The following MIER3 variants were observed in gnomAD, a reference collection of about 807,000 sequenced individuals.
The protein encoded by MIER3 is mesoderm induction early response protein 3.
In MIER3, 9 loss-of-function variants were observed where a neutral mutation model predicts 63.2. The observed-to-expected ratio is 0.14, with a 90% CI of 0.09 to 0.25. The LOEUF (loss-of-function observed/expected upper bound fraction) is 0.25. MIER3 is among the 10% of genes least tolerant of loss of function. The pLI, the probability that MIER3 is intolerant of heterozygous loss-of-function variation, is 1.00. For missense variants in MIER3, 512 were observed against 666.2 expected (o/e 0.77, Z 2.55); for synonymous variants, 205 against 224.9 (o/e 0.91, Z 0.79).
chr5:56,937,885 T>A (rs1428287731), intron 4 of MIER3, among the ~76,000 whole-genome samples, 187 bp from the exon 5 acceptor site: 1 of 150,858 alleles, frequency 6.6e-6, no homozygotes, highest in African/African-American at 2.4e-5. Flanking sequence ...TTCAATAATA[T>A]ACTATTAAAT....
chr5:56,923,148 C>T lies in MIER3; in HGVS notation c.1633G>A (p.Ala545Thr), dbSNP rs559901169. 4.0e-5 allele frequency: 64 copies of T among 1,613,738 alleles called. No homozygotes were observed. The highest frequency in any genetic ancestry group is 4.5e-5 in the Non-Finnish European group (53 of 1,179,908). Residue 545 changes from alanine to threonine, a missense_variant, in exon 13 of 13, where the codon GCG (alanine) becomes ACG (threonine). Transcript: ENST00000381199. Reference protein sequence around the residue: ...FISAHALHQHAALHSE With the variant: ...FISAHALHQHTALHSE Reference sequence around the variant, plus strand: ...TCAGGTCACTCAGAGTGTAGGGCCGCGTGCTGATGCAGAGCATGGGCACTG... The same window carrying T: ...TCAGGTCACTCAGAGTGTAGGGCCGTGTGCTGATGCAGAGCATGGGCACTG...
chr5:56,934,157 A>G (rs1750365064), intron 7 of MIER3, among the ~76,000 whole-genome samples: 1 of 152,324 alleles, frequency 6.6e-6, no homozygotes, highest in South Asian at 2.1e-4. Context: ...TCAAGTGCAT[A>G]ATAAATACTG....
At chr5:56,936,417 A>G (rs943283757) in intron 5 of MIER3, among the ~76,000 whole-genome samples, 5 of 152,170 alleles carry the variant, frequency 3.3e-5, no homozygotes, top group Non-Finnish European at 7.4e-5. Context: ...ATGCATGGAT[A>G]TTTGAACTTA....
At chr5:56,941,300 G>A (rs766441200) in intron 3 of MIER3, 6 of 239,866 alleles carry the variant, frequency 2.5e-5, no homozygotes, top group Non-Finnish European at 4.0e-5. Context: ...TGCACAGAGG[G>A]TGAAGACTGA....
chr5:56,939,136 G>A, intron 3 of MIER3, 119 bp from the exon 4 acceptor site: 2 of 1,098,208 alleles, frequency 1.8e-6, no homozygotes, highest in Non-Finnish European at 2.4e-6. Context: ...CAAATCAAAG[G>A]CAAGTTTCAG....
At chr5:56,942,217 A>C (rs1750670388) in intron 3 of MIER3, among the ~76,000 whole-genome samples, 1 of 152,196 alleles carries the variant, frequency 6.6e-6, no homozygotes, top group South Asian at 2.1e-4. Flanking sequence ...ACCCACGGAG[A>C]GGGTAGAGAG....
rs1749777297 is a variant in MIER3 at position 56,923,408 on chromosome 5, G to C, written c.1373C>G (p.Thr458Ser). The part of the protein sequence containing the change: ...GESDCFNLFE[T>S]GFYHSELNPM... ...GTTTAGCTCCGAGTGATAAAATCCA[G>C]TCTCAAATAAATTAAAACAATCACT... Residue 458 changes from threonine (T) to serine (S), a missense_variant, in exon 13 of 13, where the codon ACT (threonine) becomes AGT (serine). By Grantham distance (58) the Thr-to-Ser change is moderately conservative. This residue lies in a region of MIER3 where 218 missense variants were observed against 251.2 expected (regional missense o/e 0.87). Coordinates refer to ENST00000381199, the MANE Select transcript of MIER3 (RefSeq NM_001297599.2). 1 of 1,614,072 alleles carries C rather than the reference G, an allele frequency of 6.2e-7. No homozygotes were observed. Among genetic ancestry groups the C allele is most frequent in the South Asian group, 1.1e-5 (1 of 91,096 alleles).
chr5:56,938,164 G>C (rs1474719800), intron 4 of MIER3: 1 of 392,492 alleles, frequency 2.5e-6, no homozygotes, highest in African/African-American at 2.1e-5. Context: ...TAATTTTTAT[G>C]TAAGTATACA....
Position 56,930,669 on chromosome 5 carries a change from G to A in MIER3, c.824C>T (p.Ser275Phe). 6.2e-7 allele frequency: 1 copy of A among 1,613,724 alleles called. No individual in the cohort carries two copies. Among genetic ancestry groups the A allele is most frequent in the Non-Finnish European group, 8.5e-7 (1 of 1,179,672 alleles). ...IERYCCNGKA[S>F]QEGMTAWTEE... Reference sequence around the variant, plus strand: ...TAAACCCAAGTGTTTCTTACCTTGAGAGGCCTTTCCATTGCAGCAGTATCT... The same window carrying A: ...TAAACCCAAGTGTTTCTTACCTTGAAAGGCCTTTCCATTGCAGCAGTATCT... The change falls in exon 9 of 13, where the codon TCT becomes TTT. Residue 275 changes from serine (S) to phenylalanine (F), a missense_variant. Ser to Phe is a radical substitution (Grantham distance 155). Coordinates refer to ENST00000381199, the MANE Select transcript of MIER3 (RefSeq NM_001297599.2).
intron 1 of MIER3, among the ~76,000 whole-genome samples, 184 bp downstream of exon 1, chr5:56,951,898 ACCGCTCCCGCGC>A (rs1406097371): frequency 6.7e-6 from 1 of 149,570 alleles, no homozygotes; most frequent in Admixed American, 6.6e-5. Context: ...CCGGAGGGAG[ACCGCTCCCGCGC>A]CCGCTCCCGC....
At chr5:56,942,836 C>T (rs1371598935) in intron 3 of MIER3, among the ~76,000 whole-genome samples, 1 of 152,174 alleles carries the variant, frequency 6.6e-6, no homozygotes, top group African/African-American at 2.4e-5. Flanking sequence ...ATCTTAGTAT[C>T]TGGCAATCAG....
At chr5:56,945,736 T>C (rs1414930216) in intron 3 of MIER3, among the ~76,000 whole-genome samples, 2 of 152,196 alleles carry the variant, frequency 1.3e-5, no homozygotes, top group Non-Finnish European at 2.9e-5. Context: ...TTATTTACTA[T>C]GAACATAAAA....
At chr5:56,938,100 G>A (rs914365702) in intron 4 of MIER3, among the ~76,000 whole-genome samples, 15 of 152,096 alleles carry the variant, frequency 9.9e-5, no homozygotes, top group African/African-American at 3.4e-4. Context: ...TTAAAAGTCC[G>A]ACTAATGAAC....
intron 2 of MIER3, 149 bp from the exon 3 acceptor site, chr5:56,947,220 T>C (rs1750855934): frequency 5.4e-6 from 4 of 740,324 alleles, no homozygotes; most frequent in Non-Finnish European, 8.1e-6. Flanking sequence ...GGTTATAAAT[T>C]AAGACCCCAT....
intron 7 of MIER3, among the ~76,000 whole-genome samples, chr5:56,934,829 T>C (rs181970006): frequency 1.1e-3 from 174 of 152,236 alleles, no homozygotes; most frequent in Middle Eastern, 0.01. Context: ...CATGGAAATA[T>C]TCCCAAGTTC....
In MIER3 at chr5:56,944,296, C is replaced by T. The variant is rs527276067; in HGVS notation, c.180+2630G>A. ...ACCATCCTGGCTAACACGGTGAAAC[C>T]CCGTCTCTACTAAAAAAAAAAAAAT... On this transcript the variant is annotated intron_variant, in intron 3 of 12. Coordinates refer to ENST00000381199, the MANE Select transcript of MIER3 (RefSeq NM_001297599.2). Among the ~76,000 whole-genome samples the T allele has an allele frequency of 1.8e-4, 27 of 151,924 alleles. 1 individual carries two copies. The highest frequency in any genetic ancestry group is 8.3e-4 in the South Asian group (4 of 4,818).
At chr5:56,940,412 A>C (rs1750603647) in intron 3 of MIER3, among the ~76,000 whole-genome samples, 1 of 152,242 alleles carries the variant, frequency 6.6e-6, no homozygotes, top group African/African-American at 2.4e-5. Context: ...ACCTGAGAAG[A>C]GCCAGTGATG....
At chr5:56,924,916 C>T (rs1382190352) in intron 10 of MIER3, among the ~76,000 whole-genome samples, 2 of 152,156 alleles carry the variant, frequency 1.3e-5, no homozygotes, top group South Asian at 2.1e-4. Context: ...CCAAGAAATA[C>T]AGTATACCTT....
At position 56,951,949 on chromosome 5, in the gene MIER3, G is replaced by A. The variant is rs1379329052; in HGVS notation, c.9+145C>T. On this transcript the variant is annotated intron_variant, in intron 1 of 12. Transcript: ENST00000381199. Reference sequence around the variant, plus strand: ...CCGGCCAGCCCCGCCACGGCCAGTCGCCGCCCCGCGACCCCCGCGTCGCCA... The same window carrying A: ...CCGGCCAGCCCCGCCACGGCCAGTCACCGCCCCGCGACCCCCGCGTCGCCA... The A allele has an allele frequency of 6.0e-4, 371 of 614,906 alleles. 2 individuals carry two copies. The highest frequency in any genetic ancestry group is 4.7e-5 in the Non-Finnish European group (22 of 464,592). 38.1% of individuals were successfully genotyped at this position (614,906 alleles called of 1,614,324 possible).
Sources: allele counts gnomAD v4.1 joint callset (sites outside exome capture counted in the v4.1 genomes callset), GRCh38; gene constraint gnomAD v4.1.1; regional missense constraint gnomAD v4.1.1; transcripts MANE v1.5; gene names NCBI Gene and HGNC (gene_info 2026-07-23, HGNC 2026-07-21).